The following PTPRN2 variants were observed in gnomAD, a reference collection of about 807,000 sequenced individuals.
PTPRN2 encodes receptor-type tyrosine-protein phosphatase N2.
PTPRN2 carries 74 observed loss-of-function variants against 118.8 expected under a neutral mutation model. The ratio of observed to expected loss-of-function variants is 0.62; its 90% CI spans 0.52 to 0.76. The LOEUF (loss-of-function observed/expected upper bound fraction) is 0.76. Ranked by LOEUF, PTPRN2 falls within the 30% of genes least tolerant of loss-of-function variation. The pLI is 0.00. For missense variants in PTPRN2, 1,481 were observed against 1,394.4 expected (o/e 1.06, Z -0.99); for synonymous variants, 641 against 608.0 (o/e 1.05, Z -0.80).
rs113694732 is a variant in PTPRN2, at chr7:157,990,884, G to A, written c.1723+90414C>T. ...CCGAGGAGGACTGGGGAGGGGGGCC[G>A]AGTCTCCAGTCAGGCAGAGAGAGCT... On this transcript the variant is annotated intron_variant, in intron 11 of 22. Transcript: ENST00000389418. This position sits in a 1 kb window ranked among gnomAD's most constrained non-coding sequence, Gnocchi z 4.3. 2.6e-5 allele frequency among the ~76,000 whole-genome samples: 4 copies of A among 152,160 alleles called. No individual in the cohort carries two copies. The highest frequency in any genetic ancestry group is 1.3e-4 in the Admixed American group (2 of 15,278).
chr7:157,869,893 T>C lies in PTPRN2; in HGVS notation c.1788+28780A>G, dbSNP rs1314949623. On this transcript the variant is annotated intron_variant, in intron 12 of 22. Coordinates refer to ENST00000389418, the MANE Select transcript of PTPRN2 (RefSeq NM_002847.5). This position sits in a 1 kb window ranked among gnomAD's most constrained non-coding sequence, Gnocchi z 4.2. ...CCCTCCAGAAAGTCAACATGCAAAA[T>C]GCCTTGAGCATCCCAACATCTACTG... Among the ~76,000 whole-genome samples, 1 of 152,170 alleles carries C rather than the reference T, an allele frequency of 6.6e-6. No individual in the cohort carries two copies. Among genetic ancestry groups the C allele is most frequent in the East Asian group, 1.9e-4 (1 of 5,208 alleles).
At chr7:157,956,102 G>C (rs141747775) in intron 11 of PTPRN2, among the ~76,000 whole-genome samples, 4 of 152,170 alleles carry the variant, frequency 2.6e-5, no homozygotes, top group African/African-American at 4.8e-5. Context: ...TTCTTCCTAC[G>C]TGCTGGCATT....
intron 12 of PTPRN2, among the ~76,000 whole-genome samples, chr7:157,687,390 C>A (rs1241363654): frequency 6.6e-6 from 1 of 152,144 alleles, no homozygotes; most frequent in African/African-American, 2.4e-5. Flanking sequence ...AACCAGTTAA[C>A]AGGAGCAGTT....
chr7:158,099,928 C>A (rs1815088349), intron 10 of PTPRN2, among the ~76,000 whole-genome samples: 1 of 146,784 alleles, frequency 6.8e-6, no homozygotes, highest in Admixed American at 6.8e-5. Flanking sequence ...TAAACTTATT[C>A]CTTCTTTATT....
chr7:158,218,617 C>T (rs1828126716), intron 3 of PTPRN2, among the ~76,000 whole-genome samples: 2 of 152,194 alleles, frequency 1.3e-5, no homozygotes, highest in Non-Finnish European at 2.9e-5. Context: ...AGGCTAAACA[C>T]CCACTTAAAA....
chr7:158,187,525 C>T (rs888961052), intron 5 of PTPRN2, among the ~76,000 whole-genome samples: 2 of 152,058 alleles, frequency 1.3e-5, no homozygotes, highest in Non-Finnish European at 2.9e-5. Flanking sequence ...CCTCTGGTCA[C>T]GCACTTCCTG....
At chr7:158,264,519 G>A (rs921411032) in intron 3 of PTPRN2, among the ~76,000 whole-genome samples, 3 of 152,136 alleles carry the variant, frequency 2.0e-5, no homozygotes, top group East Asian at 1.9e-4. Flanking sequence ...TGGGCCACAC[G>A]TGACATGTGC....
intron 12 of PTPRN2, among the ~76,000 whole-genome samples, chr7:157,875,772 C>T (rs1795724144): frequency 6.6e-6 from 1 of 151,796 alleles, no homozygotes; most frequent in African/African-American, 2.4e-5. Context: ...GGGCCGAGCC[C>T]CCAGGCCAGG....
At chr7:158,219,297 C>T (rs1260857322) in intron 3 of PTPRN2, among the ~76,000 whole-genome samples, 1 of 152,056 alleles carries the variant, frequency 6.6e-6, no homozygotes, top group Non-Finnish European at 1.5e-5. Context: ...CAAAATTAAA[C>T]ATTTTGCTCC....
intron 12 of PTPRN2, among the ~76,000 whole-genome samples, chr7:157,852,023 C>T (rs80126078): frequency 1.4e-3 from 210 of 152,342 alleles, no homozygotes; most frequent in African/African-American, 4.9e-3. Context: ...CTGTGCAGAG[C>T]CTTTTGTGTT....
intron 11 of PTPRN2, among the ~76,000 whole-genome samples, chr7:157,940,681 CG>C (rs1800007408): frequency 6.8e-6 from 1 of 146,420 alleles, no homozygotes; most frequent in Non-Finnish European, 1.5e-5. Flanking sequence ...ACACTCTCCC[CG>C]AAGACACTGC....
At chr7:157,941,569 G>A (rs937890526) in intron 11 of PTPRN2, among the ~76,000 whole-genome samples, 1 of 152,162 alleles carries the variant, frequency 6.6e-6, no homozygotes, top group Non-Finnish European at 1.5e-5. Flanking sequence ...CTTGAAACCA[G>A]AGCAGCCACA....
intron 2 of PTPRN2, among the ~76,000 whole-genome samples, chr7:158,393,898 A>G (rs185342039): frequency 6.6e-6 from 1 of 152,134 alleles, no homozygotes; most frequent in Non-Finnish European, 1.5e-5. Flanking sequence ...ACGTCCCCTA[A>G]CACACAATCA....
intron 12 of PTPRN2, among the ~76,000 whole-genome samples, chr7:157,828,761 G>A (rs1188673325): frequency 6.6e-6 from 1 of 152,164 alleles, no homozygotes; most frequent in Non-Finnish European, 1.5e-5. Context: ...AGTAAGACAG[G>A]GTCTGTCTGT....
At chr7:158,341,807 G>T (rs59603176) in intron 2 of PTPRN2, among the ~76,000 whole-genome samples, 1 of 40,858 alleles carries the variant, frequency 2.4e-5, no homozygotes. Context: ...CACTCTCACC[G>T]TAAGAGGTGA....
chr7:158,312,728 CA>C (rs1176980078), intron 3 of PTPRN2, among the ~76,000 whole-genome samples: 10 of 2,716 alleles, frequency 3.7e-3, no homozygotes, highest in Non-Finnish European at 7.9e-3. Flanking sequence ...TAGATACCCA[CA>C]CACACACACC....
At chr7:157,759,771 G>A (rs950628238) in intron 12 of PTPRN2, among the ~76,000 whole-genome samples, 3 of 152,354 alleles carry the variant, frequency 2.0e-5, no homozygotes. Context: ...CCTGGGCAGC[G>A]ATTATAATGG....
chr7:158,296,156 T>C (rs4909171), intron 3 of PTPRN2, among the ~76,000 whole-genome samples: 143,275 of 152,082 alleles, frequency 0.94, 67,543 homozygotes, highest in Middle Eastern at 0.97. Flanking sequence ...TGGTCCACCA[T>C]GCCTCTATCC....
At chr7:158,002,162 G>A (rs1805309730) in intron 11 of PTPRN2, among the ~76,000 whole-genome samples, 1 of 152,202 alleles carries the variant, frequency 6.6e-6, no homozygotes, top group Non-Finnish European at 1.5e-5. Flanking sequence ...GAACTGAGGT[G>A]CAAAGCGGGG....
Sources: allele counts gnomAD v4.1 joint callset (sites outside exome capture counted in the v4.1 genomes callset), GRCh38; gene constraint gnomAD v4.1.1; non-coding constraint Gnocchi (gnomAD v3.1); transcripts MANE v1.5; gene names NCBI Gene and HGNC (gene_info 2026-07-23, HGNC 2026-07-21).